MYO9B: variants seen among roughly 807,000 people sequenced by gnomAD.
MYO9B encodes the protein unconventional myosin-IXb.
Under a neutral mutation model 229.5 loss-of-function variants are expected in MYO9B, and 71 were observed. The ratio of observed to expected loss-of-function variants is 0.31; its 90% CI spans 0.26 to 0.38. The LOEUF (loss-of-function observed/expected upper bound fraction) is 0.38, where lower values mean the gene tolerates loss of function less well. Among genes scored for constraint, MYO9B ranks in the 10% least tolerant of loss-of-function variants. MYO9B has a pLI of 1.00. For synonymous variants in MYO9B, 1,185 were observed against 1,235.8 expected (o/e 0.96, Z 0.86); for missense variants, 2,255 against 2,920.5 (o/e 0.77, Z 5.25).
chr19:17,167,343 G>C (rs572925258), intron 10 of MYO9B, among the ~76,000 whole-genome samples: 1 of 151,742 alleles, frequency 6.6e-6, no homozygotes, highest in Admixed American at 6.6e-5. Context: ...ATGTTGTCCA[G>C]GCTGGTCTTG....
At chr19:17,129,973 A>C (rs924752590) in intron 2 of MYO9B, among the ~76,000 whole-genome samples, 1 of 151,930 alleles carries the variant, frequency 6.6e-6, no homozygotes, top group African/African-American at 2.4e-5. Flanking sequence ...GTACCACCAG[A>C]CCTGGTGAAC....
In MYO9B at chr19:17,198,233, T is replaced by C; in HGVS notation, c.4163T>C (p.Val1388Ala). Residue 1388 changes from valine (V) to alanine (A), a missense_variant, in exon 24 of 40, where the codon GTC (valine) becomes GCC (alanine). By Grantham distance (64) the Val-to-Ala change is moderately conservative. Coordinates refer to ENST00000682292, the MANE Select transcript of MYO9B (RefSeq NM_004145.4). ...DGERSAKKPAVQKKKPGDASS... is the reference protein window; with the variant it reads ...DGERSAKKPAAQKKKPGDASS... ...GAGCGAAGTGCGAAAAAGCCAGCTG[T>C]CCAGAAGAAGAAGCCAGGCGACGCA... The C allele has an allele frequency of 6.2e-7, 1 of 1,613,750 alleles. No individual in the cohort carries two copies. The highest frequency in any genetic ancestry group is 8.5e-7 in the Non-Finnish European group (1 of 1,179,844).
At chr19:17,175,634 C>T (rs2072778051) in intron 13 of MYO9B, 29 bp from the exon 14 acceptor site, 8 of 1,530,130 alleles carry the variant, frequency 5.2e-6, no homozygotes, top group South Asian at 3.7e-5. Flanking sequence ...AGGCCATCCC[C>T]ACCACCATCC....
At chr19:17,210,109 C>T (rs531626237) in intron 36 of MYO9B, among the ~76,000 whole-genome samples, 11 of 152,280 alleles carry the variant, frequency 7.2e-5, no homozygotes, top group African/African-American at 2.6e-4. Context: ...TCAGGTCATG[C>T]GTCCAGCCTT....
At chr19:17,090,485 G>A (rs546948558) in intron 1 of MYO9B, among the ~76,000 whole-genome samples, 35 of 152,244 alleles carry the variant, frequency 2.3e-4, no homozygotes, top group African/African-American at 7.7e-4. Context: ...ATATTCTGTT[G>A]GATGAATGGG....
At chr19:17,095,217 C>T (rs971501607) in intron 1 of MYO9B, among the ~76,000 whole-genome samples, 1 of 151,980 alleles carries the variant, frequency 6.6e-6, no homozygotes. Flanking sequence ...CAATGGAGTG[C>T]AAGACTGTGT....
chr19:17,079,201 T>A (rs1000639470), intron 1 of MYO9B, among the ~76,000 whole-genome samples: 1 of 152,160 alleles, frequency 6.6e-6, no homozygotes, highest in African/African-American at 2.4e-5. Flanking sequence ...ATCATTGCCT[T>A]GGTGGGTCCT....
At chr19:17,210,251 T>C in intron 36 of MYO9B, 82 bp from the exon 37 acceptor site, 1 of 1,390,278 alleles carries the variant, frequency 7.2e-7, no homozygotes, top group Non-Finnish European at 9.7e-7. Context: ...CCTATCTTGG[T>C]ACCGGTCATT....
intron 26 of MYO9B, 141 bp downstream of exon 26, chr19:17,200,970 G>T (rs867422665): frequency 9.8e-7 from 1 of 1,019,426 alleles, no homozygotes. Flanking sequence ...CGGGGACAGT[G>T]GTTCATGTTT....
At chr19:17,077,265 C>T (rs1352089346) in intron 1 of MYO9B, among the ~76,000 whole-genome samples, 1 of 152,170 alleles carries the variant, frequency 6.6e-6, no homozygotes, top group Non-Finnish European at 1.5e-5. Flanking sequence ...GCCAGAAGGG[C>T]TGGGGAACCC....
At chr19:17,091,262 G>A (rs1458463859) in intron 1 of MYO9B, among the ~76,000 whole-genome samples, 2 of 152,206 alleles carry the variant, frequency 1.3e-5, no homozygotes, top group Admixed American at 1.3e-4. Flanking sequence ...GTCTTGCTCT[G>A]TGGCCCAGGC....
intron 1 of MYO9B, among the ~76,000 whole-genome samples, chr19:17,090,078 T>C (rs1308448246): frequency 5.3e-5 from 8 of 149,698 alleles, no homozygotes; most frequent in Non-Finnish European, 8.9e-5. Context: ...TCATGTTTTT[T>C]AGTTTCATCC....
intron 1 of MYO9B, among the ~76,000 whole-genome samples, chr19:17,086,892 A>T (rs1158327651): frequency 1.3e-5 from 2 of 150,708 alleles, no homozygotes; most frequent in Non-Finnish European, 3.0e-5. Context: ...AAAAAAAAAA[A>T]GTCTCCAGAC....
chr19:17,194,699 C>A lies in MYO9B; in HGVS notation c.3272C>A (p.Ala1091Glu), dbSNP rs574927036. The stretch of plus-strand genomic sequence containing the variant: ...GTAGCTGAGCAGGGGCCGGAGCCAG[C>A]GGAGGATGGCGGGCACCTGGCATCG... ...QQVAEQGPEP[A>E]EDGGHLASEP... Residue 1091 changes from alanine to glutamate, a missense_variant, in exon 22 of 40, where the codon GCG becomes GAG. Coordinates refer to ENST00000682292, the MANE Select transcript of MYO9B (RefSeq NM_004145.4). The A allele has an allele frequency of 6.2e-6, 10 of 1,612,704 alleles. No individual in the cohort carries two copies. In the Admixed American group the frequency reaches 1.5e-4, roughly 24 times the overall value.
Position 17,200,675 on chromosome 19 carries a change from A to T in MYO9B, c.4409A>T (p.Glu1470Val). Residue 1470 changes from glutamate (E) to valine (V), a missense_variant, in exon 26 of 40, where the codon GAG (glutamate) becomes GTG (valine). Coordinates refer to ENST00000682292, the MANE Select transcript of MYO9B (RefSeq NM_004145.4). ...SGQQHRHAAG[E>V]KRTKEPGGKG... ...CAGCAGCATCGCCACGCTGCAGGTG[A>T]GAAGCGCACCAAGGAACCAGGAGGC... 6.2e-7 allele frequency: 1 copy of T among 1,614,032 alleles called. No homozygotes were observed. The highest frequency in any genetic ancestry group is 1.1e-5 in the South Asian group (1 of 91,088).
chr19:17,140,961 G>A (rs538868622), intron 2 of MYO9B, among the ~76,000 whole-genome samples: 4 of 151,662 alleles, frequency 2.6e-5, no homozygotes, highest in East Asian at 4.0e-4. Context: ...AAAATTAGCC[G>A]AGCGCAGTGG....
chr19:17,087,139 G>A (rs1464012389), intron 1 of MYO9B, among the ~76,000 whole-genome samples: 1 of 152,216 alleles, frequency 6.6e-6, no homozygotes, highest in Non-Finnish European at 1.5e-5. Flanking sequence ...TATGTTGAAA[G>A]AAGGCAGCCT....
Position 17,172,936 on chromosome 19 carries a change from C to CGGGCCGAGA in MYO9B, c.2121_2129dup (p.Arg708_Glu710dup). The CGGGCCGAGA allele has an allele frequency of 6.3e-7, 1 of 1,598,736 alleles. No individual in the cohort carries two copies. The highest frequency in any genetic ancestry group is 8.5e-7 in the Non-Finnish European group (1 of 1,179,544). The stretch of plus-strand genomic sequence containing the variant: ...AGTGCTTCGGGAGGCCGGACGCCTG[C>CGGGCCGAGA]GGGCCGAGAGGGCCGAAAAGGCTGC... On this transcript the variant is annotated inframe_insertion, in exon 13 of 40. Transcript: ENST00000682292. This position sits in a 1 kb window ranked among gnomAD's most constrained non-coding sequence, Gnocchi z 8.2.
chr19:17,183,370 C>G (rs978707118), intron 15 of MYO9B, among the ~76,000 whole-genome samples: 29 of 152,214 alleles, frequency 1.9e-4, no homozygotes, highest in African/African-American at 7.0e-4. Context: ...TCTACCAGCA[C>G]ATGGCAAAGA....
Sources: allele counts gnomAD v4.1 joint callset (sites outside exome capture counted in the v4.1 genomes callset), GRCh38; gene constraint gnomAD v4.1.1; non-coding constraint Gnocchi (gnomAD v3.1); transcripts MANE v1.5; gene names NCBI Gene and HGNC (gene_info 2026-07-23, HGNC 2026-07-21).